Variants in MYO3B observed in about 807,000 individuals in gnomAD.
MYO3B encodes myosin-IIIb.
In MYO3B, 156 loss-of-function variants were observed where a neutral mutation model predicts 174.6. That is an observed-to-expected ratio of 0.89 (90% CI 0.78 to 1.02). The LOEUF (loss-of-function observed/expected upper bound fraction) is 1.02, where lower values mean the gene tolerates loss of function less well. MYO3B is among the 50% of genes least tolerant of loss of function. MYO3B has a pLI of 0.00. For synonymous variants in MYO3B, 563 were observed against 569.1 expected (o/e 0.99, Z 0.15); for missense variants, 1,632 against 1,639.4 (o/e 1.00, Z 0.08).
intron 19 of MYO3B, 98 bp downstream of exon 19, chr2:170,403,093 A>T (rs756762817): frequency 5.9e-6 from 7 of 1,182,246 alleles, no homozygotes; most frequent in Non-Finnish European, 8.1e-6. Flanking sequence ...AACAACTAAA[A>T]GACCCTAGAG....
At chr2:170,443,338 G>A (rs2094816242) in intron 22 of MYO3B, among the ~76,000 whole-genome samples, 1 of 152,076 alleles carries the variant, frequency 6.6e-6, no homozygotes, top group Admixed American at 6.5e-5. Flanking sequence ...TTTTTGATGG[G>A]GTTGTTTGAT....
intron 7 of MYO3B, among the ~76,000 whole-genome samples, chr2:170,300,795 T>G (rs1327496358): frequency 6.6e-6 from 1 of 152,218 alleles, no homozygotes; most frequent in African/African-American, 2.4e-5. Flanking sequence ...ACCTACCACA[T>G]TACATCTTAA....
At chr2:170,363,700 A>G (rs1173651916) in intron 8 of MYO3B, among the ~76,000 whole-genome samples, 1 of 152,136 alleles carries the variant, frequency 6.6e-6, no homozygotes, top group Non-Finnish European at 1.5e-5. Context: ...TTCAAATTAG[A>G]TAGTGGATTG....
chr2:170,274,394 A>G (rs1232618895), intron 7 of MYO3B, among the ~76,000 whole-genome samples: 2 of 152,252 alleles, frequency 1.3e-5, no homozygotes, highest in Admixed American at 1.3e-4. Flanking sequence ...AAGCTTTTTG[A>G]AGCAGGTTTC....
At chr2:170,522,476 T>G (rs905046718) in intron 30 of MYO3B, among the ~76,000 whole-genome samples, 1 of 152,232 alleles carries the variant, frequency 6.6e-6, no homozygotes, top group Non-Finnish European at 1.5e-5. Flanking sequence ...ATTATCTCTT[T>G]TTCTTTCTCC....
At chr2:170,400,854 G>A (rs1476786172) in intron 17 of MYO3B, among the ~76,000 whole-genome samples, 2 of 150,488 alleles carry the variant, frequency 1.3e-5, no homozygotes, top group African/African-American at 2.4e-5. Flanking sequence ...TTTTCGAGGC[G>A]GAGTCTCGCT....
intron 32 of MYO3B, among the ~76,000 whole-genome samples, chr2:170,593,828 G>A (rs1008439429): frequency 6.6e-6 from 1 of 152,274 alleles, no homozygotes; most frequent in Non-Finnish European, 1.5e-5. Flanking sequence ...GTAGTCATTA[G>A]TCAGGAGCAA....
chr2:170,529,996 C>T (rs931977649), intron 30 of MYO3B, among the ~76,000 whole-genome samples: 1 of 152,090 alleles, frequency 6.6e-6, no homozygotes, highest in Non-Finnish European at 1.5e-5. Context: ...AACAAATATG[C>T]CAATATATTT....
chr2:170,499,195 C>A (rs1687065911), intron 26 of MYO3B, among the ~76,000 whole-genome samples: 1 of 152,222 alleles, frequency 6.6e-6, no homozygotes, highest in Admixed American at 6.5e-5. Flanking sequence ...AAACCAGCCT[C>A]TGCCTGAGTG....
intron 22 of MYO3B, among the ~76,000 whole-genome samples, chr2:170,440,888 G>A (rs548061125): frequency 5.5e-5 from 7 of 127,824 alleles, no homozygotes; most frequent in African/African-American, 1.5e-4. Context: ...TGCAACCTCC[G>A]CCTCCTGGGT....
At chr2:170,499,297 C>G (rs1687073385) in intron 26 of MYO3B, among the ~76,000 whole-genome samples, 1 of 152,172 alleles carries the variant, frequency 6.6e-6, no homozygotes, top group Non-Finnish European at 1.5e-5. Context: ...TTGGCTGGGT[C>G]AGTCCTCTTG....
intron 32 of MYO3B, among the ~76,000 whole-genome samples, chr2:170,627,986 A>G (rs138658176): frequency 0.023 from 3,456 of 152,116 alleles, 166 homozygotes; most frequent in East Asian, 0.14. Flanking sequence ...CAGTTAGGCT[A>G]CTCGGGGGTC....
At chr2:170,534,279 A>G (rs554284697) in intron 30 of MYO3B, among the ~76,000 whole-genome samples, 4 of 152,332 alleles carry the variant, frequency 2.6e-5, no homozygotes, top group Admixed American at 6.5e-5. Flanking sequence ...TGCACACTTA[A>G]TAGATAATAG....
At chr2:170,611,559 G>A (rs1199822162) in intron 32 of MYO3B, among the ~76,000 whole-genome samples, 1 of 152,214 alleles carries the variant, frequency 6.6e-6, no homozygotes, top group South Asian at 2.1e-4. Flanking sequence ...GAAATCAGGA[G>A]TAGTTCAGTG....
At chr2:170,220,102 C>CA (rs1356422266) in intron 6 of MYO3B, among the ~76,000 whole-genome samples, 2 of 151,078 alleles carry the variant, frequency 1.3e-5, no homozygotes, top group East Asian at 2.0e-4. Flanking sequence ...ACTAAAAATA[C>CA]AAAAAATTAG....
chr2:170,432,137 T>C (rs928971957), intron 22 of MYO3B, among the ~76,000 whole-genome samples: 3 of 152,266 alleles, frequency 2.0e-5, no homozygotes, highest in African/African-American at 7.2e-5. Context: ...TATTTTAGCA[T>C]GTACTCCTAC....
chr2:170,273,421 G>A (rs933872237), intron 7 of MYO3B, among the ~76,000 whole-genome samples: 2 of 152,030 alleles, frequency 1.3e-5, no homozygotes, highest in African/African-American at 4.8e-5. Context: ...GCTGCCCAAA[G>A]GATGAAGTTC....
chr2:170,382,208 T>C (rs2105736569), intron 10 of MYO3B, 96 bp downstream of exon 10: 3 of 997,002 alleles, frequency 3.0e-6, no homozygotes, highest in Non-Finnish European at 4.6e-6. Context: ...CTAAGGTCAT[T>C]TGAAAATTTA....
chr2:170,615,407 C>T (rs748284584), intron 32 of MYO3B, among the ~76,000 whole-genome samples: 21 of 152,144 alleles, frequency 1.4e-4, no homozygotes, highest in African/African-American at 4.6e-4. Flanking sequence ...GCTAGAGGCA[C>T]AAAGCTGTCT....
Sources: allele counts gnomAD v4.1 joint callset (sites outside exome capture counted in the v4.1 genomes callset), GRCh38; gene constraint gnomAD v4.1.1; transcripts MANE v1.5; gene names NCBI Gene and HGNC (gene_info 2026-07-23, HGNC 2026-07-21).